The following PHF24 variants were observed in gnomAD, a reference collection of about 807,000 sequenced individuals.
PHF24 encodes the protein Galpha inhibitory interacting protein.
Under a neutral mutation model 42.6 loss-of-function variants are expected in PHF24, and 25 were observed. The ratio of observed to expected loss-of-function variants is 0.59; its 90% confidence interval spans 0.43 to 0.82. PHF24 has a LOEUF of 0.82. PHF24 is among the 40% of genes least tolerant of loss of function. The pLI is 0.00. For synonymous variants in PHF24, 185 were observed against 204.8 expected (o/e 0.90, Z 0.83); for missense variants, 470 against 538.1 (o/e 0.87, Z 1.25).
the PHF24 span, among the ~76,000 whole-genome samples, chr9:34,911,380 A>C: frequency 6.6e-6 from 1 of 151,960 alleles, no homozygotes; most frequent in African/African-American, 2.4e-5. Flanking sequence ...CAGCCTCCCA[A>C]GTAGCTGGGA....
At chr9:34,686,309 G>A in the PHF24 span, among the ~76,000 whole-genome samples, 30 of 152,268 alleles carry the variant, frequency 2.0e-4, no homozygotes, top group South Asian at 2.1e-3. Context: ...CTTGCCTGCC[G>A]AGAAGTTGAA....
chr9:34,705,773 ACT>A, the PHF24 span, among the ~76,000 whole-genome samples: 1 of 151,428 alleles, frequency 6.6e-6, no homozygotes, highest in Admixed American at 6.6e-5. Flanking sequence ...TGTTTAAGAA[ACT>A]CTTTTTGGCC....
At chr9:34,978,392 A>C in exon 8 of PHF24, 16 of 410,960 alleles carry the variant, frequency 3.9e-5, no homozygotes, top group Non-Finnish European at 4.0e-5. Flanking sequence ...ACTTATATAC[A>C]TGTGCACATG....
chr9:34,709,603 G>C, the PHF24 span: 2 of 1,614,188 alleles, frequency 1.2e-6, no homozygotes, highest in Admixed American at 1.7e-5. Flanking sequence ...GTCTTGTCCA[G>C]ATGCTGCATC....
chr9:34,976,454 C>T, intron 4 of PHF24, 81 bp from the exon 5 acceptor site: 3 of 1,468,650 alleles, frequency 2.0e-6, no homozygotes, highest in Middle Eastern at 4.8e-4. Flanking sequence ...GTTTGGGGGC[C>T]CCGAGGGTGC....
At chr9:34,928,928 C>A in the PHF24 span, among the ~76,000 whole-genome samples, 1 of 152,156 alleles carries the variant, frequency 6.6e-6, no homozygotes, top group Non-Finnish European at 1.5e-5. Flanking sequence ...CTCTTGGTAC[C>A]CTGGGGCTAC....
the PHF24 span, among the ~76,000 whole-genome samples, chr9:34,701,172 T>C: frequency 6.6e-6 from 1 of 152,114 alleles, no homozygotes; most frequent in Admixed American, 6.5e-5. This position sits in a 1 kb window ranked among gnomAD's most constrained non-coding sequence, Gnocchi z 5.8. Flanking sequence ...CCAACTTTCG[T>C]GCTCCAGGTC....
chr9:34,966,140 A>G (rs1445840332), intron 1 of PHF24, among the ~76,000 whole-genome samples: 1 of 152,204 alleles, frequency 6.6e-6, no homozygotes, highest in Non-Finnish European at 1.5e-5. Flanking sequence ...GGTTTTTAAT[A>G]CTTGTTTTCC....
chr9:34,884,933 G>A, the PHF24 span, among the ~76,000 whole-genome samples: 1 of 152,150 alleles, frequency 6.6e-6, no homozygotes, highest in Non-Finnish European at 1.5e-5. Context: ...ATCTGCTGGG[G>A]CATGTAGGAG....
At chr9:34,971,425 T>C in exon 2 of PHF24, 8 of 1,613,734 alleles carry the variant, frequency 5.0e-6, no homozygotes, top group Non-Finnish European at 6.8e-6. Context: ...GCTGCCAGGG[T>C]CCCGCCGTGG....
the PHF24 span, chr9:34,923,029 GT>G: frequency 2.3e-6 from 1 of 428,572 alleles, no homozygotes; most frequent in Non-Finnish European, 3.9e-6. Context: ...CCTAGACCCA[GT>G]TTTTTAAGTT....
At chr9:34,866,619 T>C in the PHF24 span, among the ~76,000 whole-genome samples, 1 of 152,178 alleles carries the variant, frequency 6.6e-6, no homozygotes, top group African/African-American at 2.4e-5. Flanking sequence ...TCAACCCTAA[T>C]AAGACTCTAA....
the PHF24 span, chr9:34,888,960 A>T: frequency 2.5e-6 from 1 of 397,374 alleles, no homozygotes; most frequent in East Asian, 3.6e-5. Flanking sequence ...CTGAAATAAA[A>T]TGTGATTTAA....
the PHF24 span, among the ~76,000 whole-genome samples, chr9:34,820,550 G>T: frequency 1.3e-5 from 2 of 152,082 alleles, no homozygotes; most frequent in East Asian, 1.9e-4. Flanking sequence ...CCATGTCCCT[G>T]CAAAGGACAT....
At chr9:34,733,460 G>A in the PHF24 span, among the ~76,000 whole-genome samples, 15 of 150,068 alleles carry the variant, frequency 1.0e-4, no homozygotes, top group Non-Finnish European at 1.3e-4. Context: ...TGGATTTTAT[G>A]TAGTTGAATT....
At chr9:34,957,737 TGCGGGG>T (rs2132836999), upstream of PHF24, 1 of 152,384 alleles carries the variant, frequency 6.6e-6, no homozygotes, top group East Asian at 1.9e-4. Flanking sequence ...CCCGGAGCCC[TGCGGGG>T]GACGGCTGGT....
At chr9:34,725,938 A>G in the PHF24 span, 1 of 1,550,736 alleles carries the variant, frequency 6.4e-7, no homozygotes, top group Middle Eastern at 1.7e-4. Flanking sequence ...AAGGGAGCCC[A>G]CAGAATAGCT....
At chr9:34,864,942 C>T in the PHF24 span, among the ~76,000 whole-genome samples, 29 of 151,834 alleles carry the variant, frequency 1.9e-4, no homozygotes, top group South Asian at 4.2e-3. Flanking sequence ...TTTGGGAGGC[C>T]GAGGCAGGCA....
chr9:34,800,037 G>A, the PHF24 span, among the ~76,000 whole-genome samples: 1 of 152,178 alleles, frequency 6.6e-6, no homozygotes, highest in South Asian at 2.1e-4. Context: ...TGGATACAAT[G>A]TACATTATTT....
Sources: allele counts gnomAD v4.1 joint callset (sites outside exome capture counted in the v4.1 genomes callset), GRCh38; gene constraint gnomAD v4.1.1; non-coding constraint Gnocchi (gnomAD v3.1); transcripts MANE v1.5; gene names NCBI Gene and HGNC (gene_info 2026-07-23, HGNC 2026-07-21).